The following NLRP7 variants were observed in gnomAD, a reference collection of about 807,000 sequenced individuals.
NLRP7 encodes the protein NACHT, LRR and PYD domains-containing protein 7.
NLRP7 carries 72 observed loss-of-function variants against 85.5 expected under a neutral mutation model. That is an observed-to-expected ratio of 0.84 (90% confidence interval 0.70 to 1.02). The LOEUF is 1.02. Ranked by LOEUF, NLRP7 falls within the 50% of genes least tolerant of loss-of-function variation. NLRP7 has a pLI of 0.00. For missense variants in NLRP7, 1,243 were observed against 1,219.5 expected (o/e 1.02, Z -0.29); for synonymous variants, 550 against 505.2 (o/e 1.09, Z -1.19).
exon 10 of NLRP7, chr19:54,923,653 C>T: frequency 2.1e-6 from 3 of 1,442,318 alleles, no homozygotes; most frequent in East Asian, 2.3e-5. Context: ...CTAGTGTTAA[C>T]ATGTGACCCT....
chr19:54,947,756 T>A (rs1602209612), upstream of NLRP7: 2 of 815,816 alleles, frequency 2.5e-6, no homozygotes, highest in East Asian at 1.3e-4. Context: ...TGCAATTCCC[T>A]TCCTAGACCA....
intron 5 of NLRP7, 77 bp from the exon 6 acceptor site, chr19:54,936,508 T>C (rs1602153619): frequency 7.9e-7 from 1 of 1,266,104 alleles, no homozygotes; most frequent in African/African-American, 1.5e-5. Context: ...AACAAAAAGC[T>C]GTTTCACATT....
chr19:54,940,882 G>C (rs772649563), intron 3 of NLRP7, 49 bp downstream of exon 3: 1 of 1,086,870 alleles, frequency 9.2e-7, no homozygotes, highest in Non-Finnish European at 1.4e-6. Context: ...GATGCACCTT[G>C]CATGCTCTCA....
At chr19:54,946,832 G>T (rs1041277178) in intron 1 of NLRP7, among the ~76,000 whole-genome samples, 1 of 152,038 alleles carries the variant, frequency 6.6e-6, no homozygotes, top group East Asian at 1.9e-4. Context: ...TAGAGACAGG[G>T]TTTCACCATT....
chr19:54,937,313 C>T (rs968782583), intron 5 of NLRP7, among the ~76,000 whole-genome samples: 2 of 151,500 alleles, frequency 1.3e-5, no homozygotes, highest in South Asian at 4.1e-4. Context: ...GTACAACAAA[C>T]TCCTATGACA....
Position 54,934,857 on chromosome 19 carries a change from T to C in NLRP7, c.2301-198A>G, listed in dbSNP as rs1029685597. ...CCGAAGTAGCTGGGATTACAGGCAT[T>C]CGCCAATTTTTGTATTTTTAGTAGA... On this transcript the variant is annotated intron_variant, in intron 6 of 9. Coordinates refer to ENST00000340844, the Ensembl canonical transcript of NLRP7. This position sits in a 1 kb window ranked among gnomAD's most constrained non-coding sequence, Gnocchi z 6.7. Among the ~76,000 whole-genome samples, 1 of 151,928 alleles carries C rather than the reference T, an allele frequency of 6.6e-6. No individual in the cohort carries two copies. Among genetic ancestry groups the C allele is most frequent in the Non-Finnish European group, 1.5e-5 (1 of 67,950 alleles).
intron 9 of NLRP7, among the ~76,000 whole-genome samples, chr19:54,925,436 C>T (rs1053081927): frequency 3.3e-5 from 5 of 152,120 alleles, no homozygotes; most frequent in Non-Finnish European, 4.4e-5. Context: ...ACATGCTTAG[C>T]GTTCCAATAA....
upstream of NLRP7, among the ~76,000 whole-genome samples, chr19:54,949,145 G>T (rs1352515986): frequency 6.6e-6 from 1 of 152,036 alleles, no homozygotes; most frequent in Non-Finnish European, 1.5e-5. Flanking sequence ...AGGCATGGTG[G>T]TGTGCACCTG....
intron 1 of NLRP7, among the ~76,000 whole-genome samples, chr19:54,942,255 C>CAAAAAAAAAAAAAAAAAAAAAAAAAAAA: frequency 1.7e-5 from 1 of 59,442 alleles, no homozygotes; most frequent in Non-Finnish European, 3.1e-5. Flanking sequence ...GACTCCGTCT[C>CAAAAAAAAAAAAAAAAAAAAAAAAAAAA]AAAAAAAAAA....
chr19:54,940,347 T>C (rs2069168222), exon 4 of NLRP7: 1 of 1,614,228 alleles, frequency 6.2e-7, no homozygotes, highest in Admixed American at 1.7e-5. Flanking sequence ...AAGAATGGAA[T>C]GAACCGTTGG....
chr19:54,954,528 CAAAAAAAAAAAA>C (rs35846819), intron 1 of NLRP7, among the ~76,000 whole-genome samples: 10 of 47,520 alleles, frequency 2.1e-4, no homozygotes, highest in African/African-American at 7.0e-4. Context: ...GACTCCGTCT[CAAAAAAAAAAAA>C]AAAAAAAAAA....
At chr19:54,942,354 A>C (rs890291246) in intron 1 of NLRP7, among the ~76,000 whole-genome samples, 26 of 151,618 alleles carry the variant, frequency 1.7e-4, no homozygotes, top group African/African-American at 6.3e-4. Context: ...TCCTATATGT[A>C]CCTATACCAA....
At chr19:54,962,905 C>T (rs2070109876) in intron 1 of NLRP7, among the ~76,000 whole-genome samples, 1 of 152,102 alleles carries the variant, frequency 6.6e-6, no homozygotes, top group African/African-American at 2.4e-5. Context: ...GGCCCCCTCA[C>T]TTTCTTATTC....
chr19:54,943,533 G>A lies in NLRP7; in HGVS notation c.-39-1783C>T, dbSNP rs566172233. ...GGAGAATGGCGGGAACCCGGGAGGC[G>A]GAGCTTGCAGTGAGCGGAGATCGCG... is the stretch of plus-strand genomic sequence containing the variant. On this transcript the variant is annotated intron_variant, in intron 1 of 9. Coordinates refer to ENST00000340844, the Ensembl canonical transcript of NLRP7. Among the ~76,000 whole-genome samples the A allele has an allele frequency of 1.2e-4, 18 of 151,532 alleles. No individual in the cohort carries two copies. The South Asian group carries it at 2.5e-3, about 21-fold the overall frequency.
intron 8 of NLRP7, among the ~76,000 whole-genome samples, chr19:54,933,140 T>G (rs1453287314): frequency 1.4e-5 from 2 of 143,358 alleles, no homozygotes; most frequent in Admixed American, 6.7e-5. Flanking sequence ...ATCTGCCTGG[T>G]TTTTTTTGTT....
At chr19:54,939,316 C>A in exon 4 of NLRP7, 1 of 1,614,124 alleles carries the variant, frequency 6.2e-7, no homozygotes, top group East Asian at 2.2e-5. Flanking sequence ...AAAGCAGCTT[C>A]TGTACGTCCC....
chr19:54,944,278 C>T (rs1406813630), intron 1 of NLRP7, among the ~76,000 whole-genome samples: 2 of 151,996 alleles, frequency 1.3e-5, no homozygotes, highest in African/African-American at 4.8e-5. Context: ...GTTCCATCCA[C>T]CGAGATAGGG....
Position 54,947,451 on chromosome 19 carries a change from G to A in NLRP7, c.-40+18C>T, listed in dbSNP as rs1032631754. On this transcript the variant is annotated intron_variant, in intron 1 of 9. Coordinates refer to ENST00000340844, the Ensembl canonical transcript of NLRP7. ...TAAACGAGAAGACAAAGAAATCGAT[G>A]CAAGAACCAGCACTCACCTCCCTCA... The A allele has an allele frequency of 3.2e-5, 41 of 1,288,248 alleles. No individual in the cohort carries two copies. Among genetic ancestry groups the A allele is most frequent in the Non-Finnish European group, 4.1e-5 (40 of 987,618 alleles). 79.8% of individuals were successfully genotyped at this position (1,288,248 alleles called of 1,614,324 possible). A position where few individuals can be genotyped will look rare whatever the true frequency, so the allele number is the denominator to read the frequency against.
At chr19:54,949,636 C>T (rs917537548), upstream of NLRP7, among the ~76,000 whole-genome samples, 5 of 151,932 alleles carry the variant, frequency 3.3e-5, no homozygotes, top group African/African-American at 9.7e-5. Flanking sequence ...CCCACAAGTG[C>T]GAGGGACTGG....
Sources: gnomAD v4.1 joint callset for allele counts (sites outside exome capture counted in the v4.1 genomes callset) on GRCh38, gnomAD v4.1.1 for gene constraint, Gnocchi (gnomAD v3.1) non-coding constraint, MANE v1.5 for transcripts, NCBI Gene and HGNC (gene_info 2026-07-23, HGNC 2026-07-21) for gene names.